Variants in DNMBP observed in about 807,000 individuals in gnomAD.
The protein encoded by DNMBP is dynamin binding protein.
DNMBP carries 87 observed loss-of-function variants against 150.0 expected under a neutral mutation model. The observed-to-expected ratio is 0.58, with a 90% CI of 0.49 to 0.69. DNMBP has a LOEUF of 0.69. Among genes scored for constraint, DNMBP ranks in the 30% least tolerant of loss-of-function variants. The pLI is 0.00. For missense variants in DNMBP, 1,774 were observed against 1,949.0 expected, an observed-to-expected ratio of 0.91 and a Z score of 1.69; for synonymous variants, 711 against 750.4, an observed-to-expected ratio of 0.95 and a Z score of 0.86.
chr10:99,937,537 A>G (rs1223531553), intron 4 of DNMBP, among the ~76,000 whole-genome samples: 1 of 152,230 alleles, frequency 6.6e-6, no homozygotes, highest in Admixed American at 6.5e-5. Context: ...ACTAAGAAGA[A>G]TATCTCAAAA....
chr10:99,984,737 C>T (rs1270845685), intron 1 of DNMBP, among the ~76,000 whole-genome samples: 11 of 152,104 alleles, frequency 7.2e-5, no homozygotes, highest in African/African-American at 1.2e-4. Context: ...ACCTTTCAAC[C>T]TATTTTTTTT....
rs1261310405 is a variant in DNMBP, at chr10:99,900,049, G to A, written c.2572C>T (p.His858Tyr). The A allele has an allele frequency of 1.9e-6, 3 of 1,613,956 alleles. No homozygotes were observed. Among genetic ancestry groups the A allele is most frequent in the East Asian group, 4.5e-5 (2 of 44,876 alleles). Reference protein sequence around the residue: ...SDAVGPVFLGHRDELEGTYKI... With the variant: ...SDAVGPVFLGYRDELEGTYKI... ...TATGTTCCCTCAAGCTCATCCCGGT[G>A]ACCAAGAAACACAGGTCCTTTGGAA... Residue 858 changes from histidine (H) to tyrosine (Y), a missense_variant, in exon 7 of 17, where the codon CAC (histidine) becomes TAC (tyrosine). His to Tyr is a moderately conservative substitution (Grantham distance 83). This residue lies in a region of DNMBP where 1,430 missense variants were observed against 1,492.5 expected (regional missense o/e 0.96). Coordinates refer to ENST00000324109, the MANE Select transcript of DNMBP (RefSeq NM_015221.4).
chr10:99,885,583 G>T, intron 14 of DNMBP, 104 bp downstream of exon 14: 1 of 1,081,616 alleles, frequency 9.2e-7, no homozygotes, highest in Non-Finnish European at 1.3e-6. Context: ...CATTTATTAT[G>T]AAATACAGAA....
chr10:99,946,169 G>A (rs1265893146), intron 4 of DNMBP, among the ~76,000 whole-genome samples: 1 of 152,162 alleles, frequency 6.6e-6, no homozygotes, highest in African/African-American at 2.4e-5. Flanking sequence ...TGTTGGCCAG[G>A]CTGGTCTCAA....
At chr10:99,997,516 T>C (rs970730673) in intron 1 of DNMBP, among the ~76,000 whole-genome samples, 5 of 152,060 alleles carry the variant, frequency 3.3e-5, no homozygotes, top group Admixed American at 1.3e-4. Flanking sequence ...GACCAACAGA[T>C]TAAAGGGTAA....
rs146182787 is a variant in DNMBP, at chr10:99,938,521, G to A, written c.2260+16693C>T. On this transcript the variant is annotated intron_variant, in intron 4 of 16. Transcript: ENST00000324109. ...ATGGGTGCCACTGCATTCCAGCCTC[G>A]GTGACACAGTGAGACTCCATCTCAA... is the stretch of plus-strand genomic sequence containing the variant. 2.6e-5 allele frequency among the ~76,000 whole-genome samples: 4 copies of A among 152,232 alleles called. No individual in the cohort carries two copies. In the East Asian group the frequency reaches 5.8e-4, roughly 22 times the overall value.
chr10:99,906,770 C>T (rs1022915659), intron 6 of DNMBP, among the ~76,000 whole-genome samples: 6 of 152,174 alleles, frequency 3.9e-5, no homozygotes, highest in African/African-American at 1.4e-4. Flanking sequence ...TGACTCCAAC[C>T]TCATGAGACC....
intron 12 of DNMBP, among the ~76,000 whole-genome samples, chr10:99,886,927 TATG>T (rs1355141511): frequency 1.3e-5 from 2 of 152,202 alleles, no homozygotes; most frequent in African/African-American, 4.8e-5. Context: ...TGCACACTGA[TATG>T]ATGTGTGCAT....
intron 6 of DNMBP, among the ~76,000 whole-genome samples, chr10:99,905,508 A>G (rs1280202359): frequency 6.6e-6 from 1 of 152,092 alleles, no homozygotes; most frequent in African/African-American, 2.4e-5. Context: ...GGGAGGACTG[A>G]GCTCAGGAAT....
intron 4 of DNMBP, among the ~76,000 whole-genome samples, chr10:99,954,518 G>A (rs1335386290): frequency 6.6e-6 from 1 of 151,712 alleles, no homozygotes; most frequent in East Asian, 2.0e-4. Flanking sequence ...GTCAAGGTGG[G>A]CGGATCACCT....
chr10:99,890,983 C>T (rs12415442), intron 11 of DNMBP, among the ~76,000 whole-genome samples: 54,659 of 151,926 alleles, frequency 0.36, 10,610 homozygotes, highest in Middle Eastern at 0.5. Context: ...TGGAAGTTGG[C>T]TATTTACTCA....
intron 1 of DNMBP, among the ~76,000 whole-genome samples, chr10:100,002,372 C>T (rs1273753979): frequency 1.3e-5 from 2 of 152,118 alleles, no homozygotes; most frequent in Non-Finnish European, 2.9e-5. Context: ...ATTCACTGCC[C>T]AACACCCTAG....
At chr10:99,971,061 A>G (rs1198516389) in intron 2 of DNMBP, among the ~76,000 whole-genome samples, 1 of 151,764 alleles carries the variant, frequency 6.6e-6, no homozygotes, top group African/African-American at 2.4e-5. Flanking sequence ...GAAGAGGAAT[A>G]ATAGCACTGA....
At chr10:99,983,001 A>C (rs1046157597) in intron 1 of DNMBP, among the ~76,000 whole-genome samples, 1 of 152,034 alleles carries the variant, frequency 6.6e-6, no homozygotes, top group Non-Finnish European at 1.5e-5. Flanking sequence ...TCCCAGAACA[A>C]AACTTCTGAA....
At position 99,917,956 on chromosome 10, in the gene DNMBP, A is replaced by C. The variant is rs966821583; in HGVS notation, c.2261-8810T>G. On this transcript the variant is annotated intron_variant, in intron 4 of 16. Coordinates refer to ENST00000324109, the MANE Select transcript of DNMBP (RefSeq NM_015221.4). ...TGCACTCCAGCCTGAGCGATGGAGT[A>C]AGACTCTGTCTCAAAAAAAAAAAAA... is the stretch of plus-strand genomic sequence containing the variant. 4.2e-5 allele frequency among the ~76,000 whole-genome samples: 6 copies of C among 143,056 alleles called. No homozygotes were observed. The Admixed American group carries it at 4.3e-4, about 10-fold the overall frequency. The allele number at this position is 143,056 out of a possible 152,430, so 93.9% of individuals were successfully genotyped here.
intron 15 of DNMBP, among the ~76,000 whole-genome samples, 181 bp from the exon 16 acceptor site, chr10:99,880,542 G>A (rs1018134842): frequency 2.0e-5 from 3 of 152,328 alleles, no homozygotes; most frequent in Admixed American, 6.5e-5. Context: ...TGACAAAGCG[G>A]CTTGGAACAC....
At chr10:99,951,652 G>A (rs573680120) in intron 4 of DNMBP, among the ~76,000 whole-genome samples, 6 of 152,310 alleles carry the variant, frequency 3.9e-5, no homozygotes, top group South Asian at 2.1e-4. Context: ...TCAGACTTGC[G>A]TGGGGCCTGT....
At chr10:100,001,410 G>GTTTTTTTTTTTTTT (rs1346291816) in intron 1 of DNMBP, among the ~76,000 whole-genome samples, 3 of 96,372 alleles carry the variant, frequency 3.1e-5, no homozygotes, top group African/African-American at 1.2e-4. Context: ...TTTTGTTGTT[G>GTTTTTTTTTTTTTT]TTGTTTTTTT....
chr10:99,904,708 G>T (rs1373743479), intron 6 of DNMBP, among the ~76,000 whole-genome samples: 2 of 152,118 alleles, frequency 1.3e-5, no homozygotes, highest in Non-Finnish European at 2.9e-5. Flanking sequence ...CCACCTCTGT[G>T]TGTCTTCAAC....
Sources: allele counts gnomAD v4.1 joint callset (sites outside exome capture counted in the v4.1 genomes callset), GRCh38; gene constraint gnomAD v4.1.1; regional missense constraint gnomAD v4.1.1; transcripts MANE v1.5; gene names NCBI Gene and HGNC (gene_info 2026-07-23, HGNC 2026-07-21).